Variants in IQGAP2 observed in about 807,000 individuals in gnomAD.
IQGAP2 encodes the protein ras GTPase-activating-like protein IQGAP2.
Under a neutral mutation model 201.3 loss-of-function variants are expected in IQGAP2, and 173 were observed. That is an observed-to-expected ratio of 0.86 (90% confidence interval 0.76 to 0.98). The LOEUF (loss-of-function observed/expected upper bound fraction) is 0.98. Ranked by LOEUF, IQGAP2 falls within the 50% of genes least tolerant of loss-of-function variation. The pLI is 0.00. For synonymous variants in IQGAP2, 675 were observed against 673.9 expected, an observed-to-expected ratio of 1.00 and a Z score of -0.03; for missense variants, 1,687 against 1,864.8, an observed-to-expected ratio of 0.90 and a Z score of 1.76.
intron 4 of IQGAP2, among the ~76,000 whole-genome samples, chr5:76,571,544 A>G (rs1745118887): frequency 6.6e-6 from 1 of 152,092 alleles, no homozygotes; most frequent in Non-Finnish European, 1.5e-5. Context: ...TATAGCTCTT[A>G]CTCCTAAAAT....
chr5:76,614,637 A>T (rs1748755470), intron 13 of IQGAP2, among the ~76,000 whole-genome samples: 1 of 76,672 alleles, frequency 1.3e-5, no homozygotes, highest in Non-Finnish European at 2.3e-5. Context: ...TTTTTTGGAG[A>T]CAGGATCTTG....
At chr5:76,547,452 G>A (rs1743164581) in intron 2 of IQGAP2, 14 of 978,626 alleles carry the variant, frequency 1.4e-5, no homozygotes, top group Non-Finnish European at 1.7e-5. Context: ...GGCAATTTAA[G>A]TAAGTTTACA....
intron 15 of IQGAP2, among the ~76,000 whole-genome samples, chr5:76,633,112 T>C (rs1245850223): frequency 6.6e-6 from 1 of 152,194 alleles, no homozygotes; most frequent in African/African-American, 2.4e-5. Context: ...TGGAAAAAAC[T>C]TAGTTCATCT....
rs1447917248 is a variant in IQGAP2, at chr5:76,652,796, G to A, written c.2141G>A (p.Arg714Gln). Residue 714 changes from arginine (R) to glutamine (Q), a missense_variant, in exon 18 of 36, where the codon CGG (arginine) becomes CAG (glutamine). Physicochemically the swap from Arg to Gln is conservative, Grantham distance 43 (BLOSUM62 1). Coordinates refer to ENST00000274364, the MANE Select transcript of IQGAP2 (RefSeq NM_006633.5). ...CAACGGAAGGAGTATATGCACAGGC[G>A]GCAAACGTTCATTGATAATACTGAT... is the stretch of plus-strand genomic sequence containing the variant. The part of the protein sequence containing the change: ...YKQRKEYMHR[R>Q]QTFIDNTDSI... 9 of 1,611,058 alleles carry A rather than the reference G, an allele frequency of 5.6e-6. No homozygotes were observed. The highest frequency in any genetic ancestry group is 2.2e-5 in the East Asian group (1 of 44,884).
intron 13 of IQGAP2, chr5:76,615,560 A>T (rs371304065): frequency 3.9e-5 from 6 of 152,218 alleles, no homozygotes; most frequent in Non-Finnish European, 2.9e-5. Flanking sequence ...AGACTTGTAA[A>T]GTCATCTCAG....
intron 17 of IQGAP2, among the ~76,000 whole-genome samples, chr5:76,642,284 A>G (rs1751647811): frequency 6.6e-6 from 1 of 152,158 alleles, no homozygotes; most frequent in Non-Finnish European, 1.5e-5. Flanking sequence ...TGCAGTTGGA[A>G]GATATACCAC....
intron 11 of IQGAP2, 48 bp downstream of exon 11, chr5:76,601,020 G>T: frequency 2.5e-6 from 4 of 1,580,850 alleles, no homozygotes; most frequent in Non-Finnish European, 3.5e-6. Flanking sequence ...ATGCATGTTT[G>T]GCAGATCTTA....
At chr5:76,611,966 T>C (rs1748449869) in intron 13 of IQGAP2, among the ~76,000 whole-genome samples, 1 of 152,132 alleles carries the variant, frequency 6.6e-6, no homozygotes, top group Admixed American at 6.5e-5. Context: ...TCTGTCTAGG[T>C]CTTTAGAACC....
intron 1 of IQGAP2, among the ~76,000 whole-genome samples, chr5:76,438,035 G>GTTTTTTTTTTTTTTTTTTTTTTTTTTTT (rs71604291): frequency 4.4e-5 from 3 of 68,602 alleles, no homozygotes; most frequent in Non-Finnish European, 8.0e-5. Flanking sequence ...TTTTTTGTTT[G>GTTTTTTTTTTTTTTTTTTTTTTTTTTTT]TTTTTTTTTT....
rs192577588 is a variant in IQGAP2 at position 76,498,392 on chromosome 5, A to C, written c.146+36723A>C. ...ATCCATTTGACAGATGAGGAAACTG[A>C]GGCTCAATAACTTGACTTGCCTGAG... On this transcript the variant is annotated intron_variant, in intron 2 of 35. Coordinates refer to ENST00000274364, the MANE Select transcript of IQGAP2 (RefSeq NM_006633.5). 1.8e-3 allele frequency among the ~76,000 whole-genome samples: 270 copies of C among 152,308 alleles called. 1 individual carries two copies. Among genetic ancestry groups the C allele is most frequent in the African/African-American group, 6.3e-3 (263 of 41,556 alleles).
intron 5 of IQGAP2, among the ~76,000 whole-genome samples, chr5:76,585,519 C>CT (rs796557657): frequency 0.026 from 3,744 of 143,006 alleles, 122 homozygotes; most frequent in African/African-American, 0.086. Context: ...TTCTTTTTTT[C>CT]TTTTTTTTTT....
chr5:76,618,376 C>T lies in IQGAP2; in HGVS notation c.1521+7193C>T, dbSNP rs751170443. On this transcript the variant is annotated intron_variant, in intron 13 of 35. Coordinates refer to ENST00000274364, the MANE Select transcript of IQGAP2 (RefSeq NM_006633.5). The stretch of plus-strand genomic sequence containing the variant: ...AGCATCCACAGGGTCACAGCATTGG[C>T]CGGGACACCAACTACAAACACCAGG... The T allele has an allele frequency of 1.1e-5, 18 of 1,614,134 alleles. No individual in the cohort carries two copies. The South Asian group carries it at 1.5e-4, about 14-fold the overall frequency.
At chr5:76,489,925 G>T (rs1215332433) in intron 2 of IQGAP2, among the ~76,000 whole-genome samples, 1 of 152,148 alleles carries the variant, frequency 6.6e-6, no homozygotes, top group African/African-American at 2.4e-5. Flanking sequence ...GCACACTGCG[G>T]ACTTCACCAC....
chr5:76,472,803 T>G (rs1194357909), intron 2 of IQGAP2, among the ~76,000 whole-genome samples: 5 of 152,230 alleles, frequency 3.3e-5, no homozygotes, highest in Non-Finnish European at 5.9e-5. Flanking sequence ...CAACTGATAT[T>G]TGATCCCAAA....
intron 1 of IQGAP2, among the ~76,000 whole-genome samples, chr5:76,458,022 G>A (rs1754207352): frequency 6.6e-6 from 1 of 152,224 alleles, no homozygotes; most frequent in Non-Finnish European, 1.5e-5. Flanking sequence ...GAATTTTGAA[G>A]CCACTTAAAT....
At chr5:76,422,060 G>A (rs1002660338) in intron 1 of IQGAP2, among the ~76,000 whole-genome samples, 2 of 152,122 alleles carry the variant, frequency 1.3e-5, no homozygotes, top group African/African-American at 4.8e-5. Flanking sequence ...GATTTTAAAG[G>A]TGTTTAGACA....
intron 15 of IQGAP2, among the ~76,000 whole-genome samples, chr5:76,633,949 C>G (rs1580677785): frequency 6.6e-6 from 1 of 152,200 alleles, no homozygotes; most frequent in South Asian, 2.1e-4. Flanking sequence ...TATTCTGCGC[C>G]ACCCCCTCCC....
chr5:76,656,945 T>C (rs1742795840), intron 20 of IQGAP2, among the ~76,000 whole-genome samples: 1 of 152,180 alleles, frequency 6.6e-6, no homozygotes, highest in Non-Finnish European at 1.5e-5. Context: ...TTCTCCCCCT[T>C]TTATTCTGGA....
chr5:76,599,876 G>A (rs973125086), intron 10 of IQGAP2, among the ~76,000 whole-genome samples: 2 of 151,946 alleles, frequency 1.3e-5, no homozygotes, highest in East Asian at 3.9e-4. Flanking sequence ...TTTGAAGTTG[G>A]GCCAAGATAA....
Sources: allele counts gnomAD v4.1 joint callset (sites outside exome capture counted in the v4.1 genomes callset), GRCh38; gene constraint gnomAD v4.1.1; transcripts MANE v1.5; gene names NCBI Gene and HGNC (gene_info 2026-07-23, HGNC 2026-07-21).